MARCHF1: variants seen among roughly 807,000 people sequenced by gnomAD.
The protein encoded by MARCHF1 is membrane associated ring-CH-type finger 1.
A neutral mutation model predicts 54.2 loss-of-function variants in MARCHF1; 40 were observed. The observed-to-expected ratio is 0.74, with a 90% CI of 0.57 to 0.96. The LOEUF is 0.96. MARCHF1 is among the 40% of genes least tolerant of loss of function. The pLI, the probability that MARCHF1 is intolerant of heterozygous loss-of-function variation, is 0.00. For synonymous variants in MARCHF1, 236 were observed against 236.3 expected, an observed-to-expected ratio of 1.00 and a Z score of 0.01; for missense variants, 586 against 656.5, an observed-to-expected ratio of 0.89 and a Z score of 1.17.
rs1489363696 is a variant in MARCHF1 at position 163,562,438 on chromosome 4, G to GT, written c.1192-16696dup. ...ACCTGATACTATTGACTATTCCCGT[G>GT]TTTTTTATATTTTGATTCAAGAGTG... On this transcript the variant is annotated intron_variant, in intron 8 of 9. Coordinates refer to ENST00000514618, the MANE Select transcript of MARCHF1 (RefSeq NM_001394959.1). 3.9e-5 allele frequency among the ~76,000 whole-genome samples: 6 copies of GT among 152,244 alleles called. No homozygotes were observed. The East Asian group carries it at 1.2e-3, about 29-fold the overall frequency.
At chr4:163,945,237 AT>A (rs955814062) in intron 3 of MARCHF1, among the ~76,000 whole-genome samples, 4 of 151,222 alleles carry the variant, frequency 2.6e-5, no homozygotes, top group Non-Finnish European at 4.4e-5. Flanking sequence ...CAGACATGGT[AT>A]TTTTTTTTCT....
At chr4:164,211,427 G>A (rs1157304049) in intron 1 of MARCHF1, among the ~76,000 whole-genome samples, 1 of 149,454 alleles carries the variant, frequency 6.7e-6, no homozygotes, top group African/African-American at 2.5e-5. Context: ...TTGCATAAAT[G>A]CATGCAATTA....
At chr4:164,061,277 T>C (rs1384227186) in intron 2 of MARCHF1, among the ~76,000 whole-genome samples, 3 of 152,098 alleles carry the variant, frequency 2.0e-5, no homozygotes, top group Non-Finnish European at 2.9e-5. Context: ...TCATGTTATT[T>C]GGGCACTTTG....
chr4:164,110,585 T>C (rs1307005360), intron 2 of MARCHF1, among the ~76,000 whole-genome samples: 1 of 151,814 alleles, frequency 6.6e-6, no homozygotes, highest in Non-Finnish European at 1.5e-5. Context: ...TTGTAATGAC[T>C]ATTATGCCAC....
intron 3 of MARCHF1, among the ~76,000 whole-genome samples, chr4:163,891,173 GC>G (rs1750653415): frequency 6.6e-6 from 1 of 151,836 alleles, no homozygotes; most frequent in Admixed American, 6.6e-5. Context: ...AATCATTATT[GC>G]CATGCTTTTA....
chr4:163,664,373 T>A (rs957463871), intron 5 of MARCHF1, among the ~76,000 whole-genome samples: 3 of 152,232 alleles, frequency 2.0e-5, no homozygotes, highest in East Asian at 1.9e-4. Flanking sequence ...TTCATATCAA[T>A]GATTTTCAAA....
chr4:163,904,626 CTG>C (rs1310983600), intron 3 of MARCHF1, among the ~76,000 whole-genome samples: 2 of 152,128 alleles, frequency 1.3e-5, no homozygotes, highest in Non-Finnish European at 2.9e-5. Context: ...TAGGGAAAGA[CTG>C]TTATCAAGTA....
chr4:163,666,545 A>G (rs975865224), intron 5 of MARCHF1, among the ~76,000 whole-genome samples: 6 of 152,128 alleles, frequency 3.9e-5, no homozygotes, highest in African/African-American at 1.4e-4. Flanking sequence ...CCATAAATAT[A>G]AAACAACCAT....
chr4:163,829,370 T>A (rs1748951023), intron 4 of MARCHF1, among the ~76,000 whole-genome samples: 1 of 152,134 alleles, frequency 6.6e-6, no homozygotes. Context: ...TTAGTTAATA[T>A]AAAAACCAAA....
chr4:164,251,343 A>G (rs1733118171), intron 1 of MARCHF1, among the ~76,000 whole-genome samples: 1 of 152,108 alleles, frequency 6.6e-6, no homozygotes, highest in African/African-American at 2.4e-5. Flanking sequence ...ACGAGACGGT[A>G]AGTAAGAAAA....
At chr4:164,308,963 TA>T (rs11322726) in intron 1 of MARCHF1, among the ~76,000 whole-genome samples, 24,258 of 124,262 alleles carry the variant, frequency 0.2, 2,554 homozygotes, top group East Asian at 0.46. Flanking sequence ...AAATAAAAGT[TA>T]AAAAAAAAAA....
rs552677402 is a variant in MARCHF1, at chr4:164,273,535, C to G, written c.-323+110335G>C. Among the ~76,000 whole-genome samples, 5 of 152,180 alleles carry G rather than the reference C, an allele frequency of 3.3e-5. No homozygotes were observed. The South Asian group carries it at 1.0e-3, about 32-fold the overall frequency. ...TACTAGTATTTTTATAGGATTTTTA[C>G]TAAAGAAAAACCAGAAAGTAATAAA... On this transcript the variant is annotated intron_variant, in intron 1 of 9. Transcript: ENST00000514618.
intron 1 of MARCHF1, among the ~76,000 whole-genome samples, chr4:164,320,268 T>A (rs893238943): frequency 9.9e-5 from 15 of 152,186 alleles, no homozygotes; most frequent in Admixed American, 9.8e-4. Context: ...ATTCATTCAT[T>A]AGGGAATTAA....
chr4:164,155,839 T>G (rs991200046), intron 1 of MARCHF1, among the ~76,000 whole-genome samples: 4 of 152,170 alleles, frequency 2.6e-5, no homozygotes, highest in Non-Finnish European at 4.4e-5. Context: ...GATTTTTGTG[T>G]AAAGCAAATC....
At chr4:163,745,977 G>A (rs1029552131) in intron 4 of MARCHF1, among the ~76,000 whole-genome samples, 1 of 152,200 alleles carries the variant, frequency 6.6e-6, no homozygotes, top group Middle Eastern at 3.4e-3. Flanking sequence ...CCCCACCAGA[G>A]TGGTACATTT....
intron 4 of MARCHF1, among the ~76,000 whole-genome samples, chr4:163,752,084 A>C (rs1038977): frequency 0.025 from 3,824 of 152,318 alleles, 158 homozygotes; most frequent in African/African-American, 0.085. Flanking sequence ...CTTATAACTC[A>C]TAGTGGAATT....
chr4:164,161,519 T>C (rs1465394691), intron 1 of MARCHF1, among the ~76,000 whole-genome samples: 6 of 133,718 alleles, frequency 4.5e-5, no homozygotes, highest in South Asian at 2.5e-4. Context: ...TTCCATGTGA[T>C]ATCAAAATCA....
chr4:164,015,821 A>G (rs191845925), intron 2 of MARCHF1, among the ~76,000 whole-genome samples: 4 of 152,200 alleles, frequency 2.6e-5, no homozygotes, highest in Admixed American at 2.0e-4. Context: ...ATGCGGAGAA[A>G]GAGGAGCCCT....
At chr4:163,916,198 C>T (rs186724378) in intron 3 of MARCHF1, among the ~76,000 whole-genome samples, 1 of 152,216 alleles carries the variant, frequency 6.6e-6, no homozygotes, top group African/African-American at 2.4e-5. Flanking sequence ...CCAGTGCAGG[C>T]AAAAAGCAAC....
Sources: gnomAD v4.1 joint callset for allele counts (sites outside exome capture counted in the v4.1 genomes callset) on GRCh38, gnomAD v4.1.1 for gene constraint, MANE v1.5 for transcripts, NCBI Gene and HGNC (gene_info 2026-07-23, HGNC 2026-07-21) for gene names.